DMD: variants seen among roughly 807,000 people sequenced by gnomAD.
DMD encodes the protein mutant dystrophin.
In DMD, 63 loss-of-function variants were observed where a neutral mutation model predicts 330.1. The ratio of observed to expected loss-of-function variants is 0.19; its 90% CI spans 0.16 to 0.24. DMD has a LOEUF of 0.24. Ranked by LOEUF, DMD falls within the 10% of genes least tolerant of loss-of-function variation. The pLI is 1.00. For missense variants in DMD, 3,344 were observed against 2,684.1 expected, an observed-to-expected ratio of 1.25 and a Z score of -5.43; for synonymous variants, 1,223 against 959.8, an observed-to-expected ratio of 1.27 and a Z score of -5.07.
chrX:32,693,125 T>C (rs1394048669), intron 9 of DMD, among the ~76,000 whole-genome samples: 1 of 111,426 alleles, frequency 9.0e-6, no homozygotes, highest in African/African-American at 3.3e-5. Flanking sequence ...TTTGCCCTTG[T>C]TAGCTTTGAA....
chrX:32,790,376 A>G (rs1261739230), intron 7 of DMD, among the ~76,000 whole-genome samples: 1 of 111,550 alleles, frequency 9.0e-6, no homozygotes, highest in Non-Finnish European at 1.9e-5. Context: ...ATCCTAGCCA[A>G]TTGAGAGCCC....
chrX:31,162,522 A>G (rs1180887002), intron 74 of DMD, among the ~76,000 whole-genome samples: 2 of 110,051 alleles, frequency 1.8e-5, no homozygotes, highest in Admixed American at 1.9e-4. Flanking sequence ...CAAACATCCA[A>G]TTTTAGATGC....
chrX:31,571,652 C>T (rs2147948925), intron 55 of DMD, among the ~76,000 whole-genome samples: 1 of 111,299 alleles, frequency 9.0e-6, no homozygotes, highest in South Asian at 3.9e-4. Context: ...GCAGAGAATT[C>T]ACATCACAGT....
intron 2 of DMD, among the ~76,000 whole-genome samples, chrX:32,910,834 C>A (rs1406810224): frequency 2.7e-5 from 3 of 112,076 alleles, no homozygotes; most frequent in Middle Eastern, 4.6e-3. Flanking sequence ...GAAATATGAA[C>A]TTGCTTTCTC....
At position 31,210,731 on chromosome X, in the gene DMD, T is replaced by A. The variant is rs73617056; in HGVS notation, c.9362-1032A>T. Among the ~76,000 whole-genome samples the A allele has an allele frequency of 5.1e-3, 573 of 111,857 alleles. 2 individuals are homozygous for A. The highest frequency in any genetic ancestry group is 0.018 in the African/African-American group (542 of 30,815). On this transcript the variant is annotated intron_variant, in intron 64 of 78. Coordinates refer to ENST00000357033, the MANE Select transcript of DMD (RefSeq NM_004006.3). ...TGTAGTTCACATAAATAGAGGTAAA[T>A]CCCGCTCAGTAAACACCTTTCCCAG...
At chrX:31,398,951 T>A (rs951087321) in intron 60 of DMD, among the ~76,000 whole-genome samples, 2 of 111,608 alleles carry the variant, frequency 1.8e-5, no homozygotes, top group Non-Finnish European at 3.8e-5. Context: ...GGGGCCAGCA[T>A]TTTTGAGTGC....
intron 60 of DMD, among the ~76,000 whole-genome samples, chrX:31,438,406 C>A (rs2064695398): frequency 8.9e-6 from 1 of 111,859 alleles, no homozygotes; most frequent in Non-Finnish European, 1.9e-5. Flanking sequence ...AGCTCCACAC[C>A]AGACCCACTG....
chrX:31,862,868 G>C (rs111931225), intron 48 of DMD, among the ~76,000 whole-genome samples: 1 of 112,605 alleles, frequency 8.9e-6, no homozygotes, highest in Non-Finnish European at 1.9e-5. Flanking sequence ...AGCAGGAAGA[G>C]AGCCGGCCAG....
intron 62 of DMD, among the ~76,000 whole-genome samples, chrX:31,306,167 A>G (rs999185993): frequency 2.7e-5 from 3 of 110,876 alleles, no homozygotes; most frequent in Non-Finnish European, 5.6e-5. Context: ...GAATTGCCCA[A>G]TTAGGGTTTA....
At chrX:33,140,513 A>G (rs780996613) in intron 1 of DMD, among the ~76,000 whole-genome samples, 46 of 112,572 alleles carry the variant, frequency 4.1e-4, no homozygotes, top group African/African-American at 1.3e-3. Context: ...GACAATAACT[A>G]CTATGACCTT....
chrX:31,900,305 C>T (rs957141243), intron 47 of DMD, among the ~76,000 whole-genome samples: 3 of 111,128 alleles, frequency 2.7e-5, no homozygotes, highest in African/African-American at 9.8e-5. Flanking sequence ...ATGGGAGGGA[C>T]CCAGTGGGAG....
chrX:31,125,539 T>C (rs1476384101), intron 78 of DMD, among the ~76,000 whole-genome samples: 1 of 112,374 alleles, frequency 8.9e-6, no homozygotes, highest in Non-Finnish European at 1.9e-5. Context: ...CCATCCAGCC[T>C]GTCTCCCAGA....
At chrX:31,228,931 A>C (rs1434791251) in intron 63 of DMD, among the ~76,000 whole-genome samples, 1 of 112,526 alleles carries the variant, frequency 8.9e-6, no homozygotes, top group Non-Finnish European at 1.9e-5. Context: ...GTAAGGAACA[A>C]GGGCAAACAT....
chrX:32,819,272 T>G (rs768608268), intron 5 of DMD, among the ~76,000 whole-genome samples: 1 of 111,145 alleles, frequency 9.0e-6, no homozygotes, highest in South Asian at 3.8e-4. Context: ...GCGAACGTCA[T>G]CATTCTCCTG....
chrX:32,891,523 G>A (rs2085200748), intron 2 of DMD, among the ~76,000 whole-genome samples: 1 of 111,770 alleles, frequency 8.9e-6, no homozygotes, highest in Non-Finnish European at 1.9e-5. Context: ...ATAAGGCGGG[G>A]AGGTAAGGCT....
chrX:33,009,003 TAC>T (rs771681991), intron 2 of DMD, among the ~76,000 whole-genome samples: 63 of 99,459 alleles, frequency 6.3e-4, no homozygotes, highest in East Asian at 6.3e-3. Context: ...TGTGTATATA[TAC>T]ACACATACAC....
chrX:32,986,616 A>C (rs746619976), intron 2 of DMD, among the ~76,000 whole-genome samples: 51 of 112,381 alleles, frequency 4.5e-4, no homozygotes, highest in African/African-American at 1.6e-3. Context: ...AAAACATTAA[A>C]ATAACCAATC....
intron 7 of DMD, among the ~76,000 whole-genome samples, chrX:32,745,475 G>T (rs780503401): frequency 8.9e-6 from 1 of 112,017 alleles, no homozygotes; most frequent in African/African-American, 3.2e-5. Flanking sequence ...AATAATTGTA[G>T]GAATGATGGT....
At chrX:32,938,835 A>C (rs899725756) in intron 2 of DMD, among the ~76,000 whole-genome samples, 1 of 111,351 alleles carries the variant, frequency 9.0e-6, no homozygotes, top group Non-Finnish European at 1.9e-5. Context: ...TGATACTAAG[A>C]GCAATAAATT....
Sources: gnomAD v4.1 joint callset for allele counts (sites outside exome capture counted in the v4.1 genomes callset) on GRCh38, gnomAD v4.1.1 for gene constraint, MANE v1.5 for transcripts, NCBI Gene and HGNC (gene_info 2026-07-23, HGNC 2026-07-21) for gene names.